Variants in VPS53 observed in about 807,000 individuals in gnomAD.
The protein encoded by VPS53 is VPS53 subunit of GARP complex, also known as vacuolar protein sorting-associated protein 53 homolog.
Under a neutral mutation model 107.0 loss-of-function variants are expected in VPS53, and 70 were observed. The observed-to-expected ratio is 0.65, with a 90% confidence interval of 0.54 to 0.80. The LOEUF is 0.80. VPS53 is among the 30% of genes least tolerant of loss of function. The pLI, the probability that VPS53 is intolerant of heterozygous loss-of-function variation, is 0.00. For synonymous variants in VPS53, 409 were observed against 393.3 expected (o/e 1.04, Z -0.47); for missense variants, 917 against 1,049.4 (o/e 0.87, Z 1.74).
Position 532,694 on chromosome 17 carries a change from A to G in VPS53, c.2085+148T>C, listed in dbSNP as rs1909686187. 6.3e-6 allele frequency: 9 copies of G among 1,421,186 alleles called. No individual in the cohort carries two copies. The South Asian group carries it at 1.5e-4, about 23-fold the overall frequency. 88.0% of individuals were successfully genotyped at this position (1,421,186 alleles called of 1,614,324 possible). ...TAAAAATAAATGGAAGAACGAATTA[A>G]GAAACCTTCCGGGTGAGTCATTATA... is the stretch of plus-strand genomic sequence containing the variant. On this transcript the variant is annotated intron_variant, in intron 19 of 21. Coordinates refer to ENST00000437048, the MANE Select transcript of VPS53 (RefSeq NM_001128159.3).
chr17:643,668 C>CTTGGAAAGCGAGGACAACACTCATAT (rs1970552169), intron 7 of VPS53, among the ~76,000 whole-genome samples: 8 of 143,948 alleles, frequency 5.6e-5, no homozygotes, highest in East Asian at 2.2e-4. Context: ...AACACTCATA[C>CTTGGAAAGCGAGGACAACACTCATAT]TTGGAAAGCG....
chr17:517,405 T>C lies in VPS53; in HGVS notation c.*1723A>G. 2.5e-6 allele frequency: 1 copy of C among 399,498 alleles called. No individual in the cohort carries two copies. 24.7% of individuals were successfully genotyped at this position (399,498 alleles called of 1,614,324 possible). A position where few individuals can be genotyped will look rare whatever the true frequency, so the allele number is the denominator to read the frequency against. On this transcript the variant is annotated 3_prime_UTR_variant, in exon 22 of 22. Transcript: ENST00000437048. ...CAGAGAGGGCAGGGGCACAGAGCAG[T>C]GGTTATGTTGGGAAACAAGGTGGGG...
chr17:618,672 G>A (rs117063382), intron 11 of VPS53, among the ~76,000 whole-genome samples: 1 of 150,234 alleles, frequency 6.7e-6, no homozygotes, highest in Non-Finnish European at 1.5e-5. Context: ...AATATTTCTT[G>A]GGTAGCTGGG....
chr17:648,385 A>C (rs191447037), intron 7 of VPS53, among the ~76,000 whole-genome samples: 1 of 152,216 alleles, frequency 6.6e-6, no homozygotes, highest in African/African-American at 2.4e-5. Flanking sequence ...CCCTGTCTCT[A>C]CTAAAAATAC....
Position 594,343 on chromosome 17 carries a change from A to T in VPS53, c.1218+7452T>A, listed in dbSNP as rs79735493. ...AATAAATAAATAAATAAAGAATGGC[A>T]CATTGTCAACACCGCATGGGCTGGA... On this transcript the variant is annotated intron_variant, in intron 12 of 21. Coordinates refer to ENST00000437048, the MANE Select transcript of VPS53 (RefSeq NM_001128159.3). Among the ~76,000 whole-genome samples the T allele has an allele frequency of 1.9e-4, 29 of 152,390 alleles. No individual in the cohort carries two copies. The East Asian group carries it at 4.0e-3, about 21-fold the overall frequency.
intron 11 of VPS53, among the ~76,000 whole-genome samples, chr17:603,049 AC>A (rs1968398491): frequency 6.6e-6 from 1 of 152,220 alleles, no homozygotes; most frequent in Non-Finnish European, 1.5e-5. Context: ...GCCAAAAGGG[AC>A]AGCAGATGGA....
At chr17:631,784 A>G (rs1237934192) in intron 7 of VPS53, among the ~76,000 whole-genome samples, 156 bp from the exon 8 acceptor site, 1 of 152,008 alleles carries the variant, frequency 6.6e-6, no homozygotes, top group African/African-American at 2.4e-5. Context: ...GTTAAGTGAC[A>G]GGTTGATGAG....
chr17:519,852 T>C lies in VPS53; in HGVS notation c.2302A>G (p.Thr768Ala), dbSNP rs1382540586. Residue 768 changes from threonine to alanine, a missense_variant, in exon 21 of 22, where the codon ACC (threonine) becomes GCC (alanine). By Grantham distance (58) the Thr-to-Ala change is moderately conservative (BLOSUM62 0). Coordinates refer to ENST00000437048, the MANE Select transcript of VPS53 (RefSeq NM_001128159.3). The surrounding 1 kb of genome is among the most constrained non-coding windows in gnomAD (Gnocchi z 5.0). ...TTCATGTCCAGTATCTTCTGAAAGG[T>C]TTCTGTGTTGCAGTCTGTGAGAAGT... ...IKLLTDCNTETFQKILDMKGL... is the reference protein window; with the variant it reads ...IKLLTDCNTEAFQKILDMKGL... 1 of 1,551,490 alleles carries C rather than the reference T, an allele frequency of 6.4e-7. No individual in the cohort carries two copies. The highest frequency in any genetic ancestry group is 8.7e-7 in the Non-Finnish European group (1 of 1,146,954).
At chr17:668,731 T>C (rs983271188) in intron 4 of VPS53, among the ~76,000 whole-genome samples, 2 of 152,022 alleles carry the variant, frequency 1.3e-5, no homozygotes, top group African/African-American at 2.4e-5. Flanking sequence ...CTAAAACATA[T>C]GACATGCAGC....
intron 4 of VPS53, among the ~76,000 whole-genome samples, chr17:685,897 A>C (rs537776328): frequency 1.3e-5 from 2 of 152,186 alleles, no homozygotes; most frequent in East Asian, 3.9e-4. Context: ...TTGTAGTCCT[A>C]CCTACTTGGA....
At chr17:686,729 T>C (rs912376191) in intron 4 of VPS53, among the ~76,000 whole-genome samples, 2 of 152,224 alleles carry the variant, frequency 1.3e-5, no homozygotes, top group Non-Finnish European at 2.9e-5. Context: ...ACTCGACAAA[T>C]ACCTGGATGC....
chr17:570,677 A>C (rs1414674287), intron 13 of VPS53, among the ~76,000 whole-genome samples: 3 of 152,132 alleles, frequency 2.0e-5, no homozygotes, highest in Admixed American at 2.0e-4. Context: ...AAACAAACAA[A>C]CAACCTGCGA....
At chr17:665,888 C>T (rs1008842348) in intron 4 of VPS53, among the ~76,000 whole-genome samples, 1 of 152,094 alleles carries the variant, frequency 6.6e-6, no homozygotes, top group Non-Finnish European at 1.5e-5. Context: ...CCTGTCATCC[C>T]AGCTACTCGG....
chr17:622,029 T>G (rs538224968), intron 11 of VPS53, among the ~76,000 whole-genome samples: 34 of 152,196 alleles, frequency 2.2e-4, no homozygotes, highest in African/African-American at 7.2e-4. Flanking sequence ...CTGGTCAACA[T>G]GGTGAAACCC....
rs1203255005 is a variant in VPS53 at position 509,914 on chromosome 17, C to T, written c.*9214G>A. On this transcript the variant is annotated 3_prime_UTR_variant, in exon 22 of 22. Coordinates refer to ENST00000437048, the MANE Select transcript of VPS53 (RefSeq NM_001128159.3). ...ATATCAAATCCTGGCTCGCCCCTCA[C>T]CAGTCACATATCAAATCCTGGCTCG... The T allele has an allele frequency of 3.5e-5, 5 of 141,892 alleles. No homozygotes were observed. In the Admixed American group the frequency reaches 3.8e-4, roughly 11 times the overall value. The allele number at this position is 141,892 out of a possible 1,614,324, so 8.8% of individuals were successfully genotyped here.
At chr17:653,499 G>C (rs1249509413) in intron 6 of VPS53, 89 bp from the exon 7 acceptor site, 2 of 1,579,000 alleles carry the variant, frequency 1.3e-6, no homozygotes, top group Non-Finnish European at 1.7e-6. Context: ...CTCTCAAACA[G>C]ATATCAACTC....
At chr17:633,310 T>A (rs1460044206) in intron 7 of VPS53, among the ~76,000 whole-genome samples, 1 of 151,932 alleles carries the variant, frequency 6.6e-6, no homozygotes, top group African/African-American at 2.4e-5. Context: ...AGAGAGAGAG[T>A]GGAACAAGAT....
chr17:571,404 C>A (rs1337822440), intron 13 of VPS53, among the ~76,000 whole-genome samples: 1 of 152,126 alleles, frequency 6.6e-6, no homozygotes. Flanking sequence ...TATACAAGGG[C>A]TCTTTGTATA....
chr17:622,706 G>T (rs1375322496), intron 11 of VPS53, among the ~76,000 whole-genome samples: 1 of 151,442 alleles, frequency 6.6e-6, no homozygotes, highest in Non-Finnish European at 1.5e-5. Context: ...AAGAGAAGAG[G>T]TTTACTCCTT....
Sources: gnomAD v4.1 joint callset for allele counts (sites outside exome capture counted in the v4.1 genomes callset) on GRCh38, gnomAD v4.1.1 for gene constraint, Gnocchi (gnomAD v3.1) non-coding constraint, MANE v1.5 for transcripts, NCBI Gene and HGNC (gene_info 2026-07-23, HGNC 2026-07-21) for gene names.